Variants in TRNAU1AP observed in about 807,000 individuals in gnomAD.
The protein encoded by TRNAU1AP is tRNA selenocysteine 1 associated protein 1, also known as tRNA selenocysteine 1-associated protein 1.
Under a neutral mutation model 43.3 loss-of-function variants are expected in TRNAU1AP, and 33 were observed. That is an observed-to-expected ratio of 0.76 (90% CI 0.58 to 1.02). The LOEUF (loss-of-function observed/expected upper bound fraction) is 1.02, where lower values mean the gene tolerates loss of function less well. Among genes scored for constraint, TRNAU1AP ranks in the 50% least tolerant of loss-of-function variants. The pLI, the probability that TRNAU1AP is intolerant of heterozygous loss-of-function variation, is 0.00. For synonymous variants in TRNAU1AP, 143 were observed against 129.1 expected (o/e 1.11, Z -0.73); for missense variants, 290 against 362.7 (o/e 0.80, Z 1.63).
Position 28,577,675 on chromosome 1 carries a change from A to G in TRNAU1AP, c.*39A>G, listed in dbSNP as rs1665827896. On this transcript the variant is annotated 3_prime_UTR_variant, in exon 9 of 9. Transcript: ENST00000373830. ...CAAGCCAGGTTGCATGATGTGAGGG[A>G]GATGAGAGACTCCTTTTTAAAAATT... The G allele has an allele frequency of 6.4e-7, 1 of 1,558,616 alleles. No homozygotes were observed. Among genetic ancestry groups the G allele is most frequent in the Non-Finnish European group, 8.7e-7 (1 of 1,153,040 alleles).
intron 8 of TRNAU1AP, among the ~76,000 whole-genome samples, chr1:28,574,152 A>G (rs970853175): frequency 1.3e-5 from 2 of 149,900 alleles, no homozygotes; most frequent in African/African-American, 4.9e-5. Flanking sequence ...GCAGTCTCCA[A>G]TCTCAGCTCA....
chr1:28,571,792 A>G lies in TRNAU1AP; in HGVS notation c.694-75A>G. On this transcript the variant is annotated intron_variant, in intron 7 of 8. Transcript: ENST00000373830. ...AGCTAGACTCCACCTCAAAAAAAAT[A>G]AAAAATATAAGCCACTGTGGTCCTG... is the stretch of plus-strand genomic sequence containing the variant. 5.5e-6 allele frequency: 7 copies of G among 1,277,952 alleles called. 1 individual carries two copies. The highest frequency in any genetic ancestry group is 6.8e-6 in the Non-Finnish European group (6 of 884,788). 79.2% of individuals were successfully genotyped at this position (1,277,952 alleles called of 1,614,324 possible).
chr1:28,575,461 T>G (rs1349888637), intron 8 of TRNAU1AP, among the ~76,000 whole-genome samples: 1 of 150,976 alleles, frequency 6.6e-6, no homozygotes, highest in Non-Finnish European at 1.5e-5. Flanking sequence ...CAATGTTTTT[T>G]TTTGTTTTTT....
At chr1:28,561,882 C>A (rs553053703) in intron 4 of TRNAU1AP, among the ~76,000 whole-genome samples, 1 of 152,126 alleles carries the variant, frequency 6.6e-6, no homozygotes, top group Admixed American at 6.6e-5. Context: ...ACCATCCTGG[C>A]TAACACGGTG....
At chr1:28,562,706 G>A (rs1313764872) in intron 4 of TRNAU1AP, among the ~76,000 whole-genome samples, 13 of 148,344 alleles carry the variant, frequency 8.8e-5, no homozygotes, top group African/African-American at 2.7e-4. Flanking sequence ...TCACCCTCCC[G>A]AGTAGCTGGG....
At chr1:28,566,478 CGTG>C (rs1665541105) in intron 5 of TRNAU1AP, among the ~76,000 whole-genome samples, 1 of 151,130 alleles carries the variant, frequency 6.6e-6, no homozygotes. Context: ...ACAGGCCAGG[CGTG>C]GTGGCTCATG....
At chr1:28,560,437 A>G (rs1272086010) in intron 2 of TRNAU1AP, among the ~76,000 whole-genome samples, 196 bp from the exon 3 acceptor site, 1 of 152,026 alleles carries the variant, frequency 6.6e-6, no homozygotes, top group Admixed American at 6.6e-5. Flanking sequence ...GTGCGCCGCC[A>G]TGCCCAGCCA....
chr1:28,577,463 C>A (rs1418520804), intron 8 of TRNAU1AP, 37 bp from the exon 9 acceptor site: 2 of 1,608,796 alleles, frequency 1.2e-6, no homozygotes, highest in Non-Finnish European at 1.7e-6. Context: ...GCAGCTGTCC[C>A]TAGACTTCCC....
chr1:28,575,579 C>T (rs567790792), intron 8 of TRNAU1AP, among the ~76,000 whole-genome samples: 28 of 151,118 alleles, frequency 1.9e-4, no homozygotes, highest in Non-Finnish European at 3.7e-4. Context: ...TCTTCTGCCT[C>T]AGCCTCCCGA....
At chr1:28,561,892 G>A (rs1045887325) in intron 4 of TRNAU1AP, among the ~76,000 whole-genome samples, 4 of 152,150 alleles carry the variant, frequency 2.6e-5, no homozygotes, top group African/African-American at 7.2e-5. Context: ...CTAACACGGT[G>A]AAACCCCGTC....
chr1:28,560,349 TC>T (rs773175714), intron 2 of TRNAU1AP, among the ~76,000 whole-genome samples: 2 of 150,688 alleles, frequency 1.3e-5, no homozygotes, highest in Admixed American at 6.7e-5. Flanking sequence ...TGGCATGATC[TC>T]AGCTCACTGC....
chr1:28,574,515 G>A (rs1665732100), intron 8 of TRNAU1AP: 1 of 152,136 alleles, frequency 6.6e-6, no homozygotes, highest in African/African-American at 2.4e-5. Flanking sequence ...GGGCCCAGGA[G>A]GTTGAGGCTT....
intron 6 of TRNAU1AP, among the ~76,000 whole-genome samples, chr1:28,570,364 C>G (rs890858714): frequency 1.3e-5 from 2 of 151,990 alleles, no homozygotes; most frequent in African/African-American, 4.8e-5. Context: ...TCTCCTGCCT[C>G]AGCTTCACAA....
rs1665829900 is a variant in TRNAU1AP at position 28,577,720 on chromosome 1, A to G, written c.*84A>G. ...AAAATTGTGAAACCTTTTTGGAAAT[A>G]TGATTTGTAAGATTTTAATAATGAC... On this transcript the variant is annotated 3_prime_UTR_variant, in exon 9 of 9. Transcript: ENST00000373830. The G allele has an allele frequency of 9.3e-6, 13 of 1,400,548 alleles. No homozygotes were observed. Among genetic ancestry groups the G allele is most frequent in the Non-Finnish European group, 1.3e-5 (13 of 1,026,994 alleles). The allele number at this position is 1,400,548 out of a possible 1,614,324, so 86.8% of individuals were successfully genotyped here. A position where few individuals can be genotyped will look rare whatever the true frequency, so the allele number is the denominator to read the frequency against.
In TRNAU1AP at chr1:28,553,746, C is replaced by G; in HGVS notation, c.125+9C>G. 1 of 1,610,754 alleles carries G rather than the reference C, an allele frequency of 6.2e-7. No individual in the cohort carries two copies. The highest frequency in any genetic ancestry group is 8.5e-7 in the Non-Finnish European group (1 of 1,176,924). On this transcript the variant is annotated intron_variant, in intron 2 of 8. Transcript: ENST00000373830. ...CGAAACCGCCTCACTGGGTAAGTCTCATCTCAGGTCTCTCTTAATACATCT... is the reference window on the plus strand; with the variant it reads ...CGAAACCGCCTCACTGGGTAAGTCTGATCTCAGGTCTCTCTTAATACATCT...
chr1:28,576,633 CTT>C (rs764557929), intron 8 of TRNAU1AP, among the ~76,000 whole-genome samples: 18 of 145,056 alleles, frequency 1.2e-4, no homozygotes, highest in East Asian at 1.0e-3. Flanking sequence ...GGGTTTTGCT[CTT>C]GTTGCCCAGG....
intron 4 of TRNAU1AP, among the ~76,000 whole-genome samples, chr1:28,561,904 C>T (rs550230421): frequency 6.6e-6 from 1 of 152,162 alleles, no homozygotes; most frequent in Non-Finnish European, 1.5e-5. Flanking sequence ...AACCCCGTCT[C>T]TACTAAAAAT....
At chr1:28,571,721 T>G (rs1262558089) in intron 7 of TRNAU1AP, 146 bp from the exon 8 acceptor site, 11 of 626,692 alleles carry the variant, frequency 1.8e-5, no homozygotes, top group Admixed American at 5.0e-5. Context: ...ATGCGGGTGT[T>G]GCAGTGAGCC....
chr1:28,576,407 C>T (rs1295277666), intron 8 of TRNAU1AP, among the ~76,000 whole-genome samples: 4 of 151,772 alleles, frequency 2.6e-5, no homozygotes, highest in South Asian at 4.2e-4. Context: ...CAACCTCCGC[C>T]TCCCGGGTTC....
Sources: gnomAD v4.1 joint callset for allele counts (sites outside exome capture counted in the v4.1 genomes callset) on GRCh38, gnomAD v4.1.1 for gene constraint, MANE v1.5 for transcripts, NCBI Gene and HGNC (gene_info 2026-07-23, HGNC 2026-07-21) for gene names.